FBXW8: variants seen among roughly 807,000 people sequenced by gnomAD.
The protein encoded by FBXW8 is F-box/WD repeat-containing protein 8.
A neutral mutation model predicts 65.3 loss-of-function variants in FBXW8; 57 were observed. The observed-to-expected ratio is 0.87, with a 90% CI of 0.71 to 1.09. The LOEUF is 1.09. FBXW8 is among the 50% of genes least tolerant of loss of function. FBXW8 has a pLI of 0.00. For synonymous variants in FBXW8, 308 were observed against 330.2 expected, an observed-to-expected ratio of 0.93 and a Z score of 0.73; for missense variants, 777 against 814.8, an observed-to-expected ratio of 0.95 and a Z score of 0.57.
chr12:116,964,778 G>T lies in FBXW8; in HGVS notation c.759G>T (p.Glu253Asp). ...CCTTCCTGGAATCAGAGGACGAGGA[G>T]GATGAGCCTGGAATGCAGCCAAATG... ...VAPFLESEDEEDEPGMQPNVS... is the reference protein window; with the variant it reads ...VAPFLESEDEDDEPGMQPNVS... Residue 253 changes from glutamate to aspartate, a missense_variant, in exon 5 of 11, where the codon GAG (glutamate) becomes GAT (aspartate). Glu to Asp is a conservative substitution (Grantham distance 45, BLOSUM62 2). Transcript: ENST00000652555. 6.2e-7 allele frequency: 1 copy of T among 1,613,450 alleles called. No individual in the cohort carries two copies. The highest frequency in any genetic ancestry group is 8.5e-7 in the Non-Finnish European group (1 of 1,180,020).
At chr12:116,940,427 A>G (rs1224387269) in intron 2 of FBXW8, among the ~76,000 whole-genome samples, 2 of 151,224 alleles carry the variant, frequency 1.3e-5, no homozygotes, top group East Asian at 1.9e-4. Flanking sequence ...GGGGATTAAA[A>G]TCGATCAAAA....
intron 9 of FBXW8, among the ~76,000 whole-genome samples, chr12:117,026,526 C>A (rs925477224): frequency 2.0e-5 from 3 of 152,122 alleles, no homozygotes; most frequent in African/African-American, 7.2e-5. Context: ...GCTTCCCTCA[C>A]TTCCAAGAAT....
intron 10 of FBXW8, among the ~76,000 whole-genome samples, chr12:117,027,780 C>T (rs1274170833): frequency 6.6e-6 from 1 of 152,238 alleles, no homozygotes; most frequent in African/African-American, 2.4e-5. Context: ...AGAATCCTGT[C>T]AGGGGCAAGG....
intron 7 of FBXW8, among the ~76,000 whole-genome samples, chr12:116,994,034 C>T (rs756723454): frequency 5.3e-5 from 8 of 152,102 alleles, no homozygotes; most frequent in Non-Finnish European, 8.8e-5. Context: ...TAATATGGAA[C>T]CAAAAAGAGC....
chr12:117,001,731 A>G (rs1401644736), intron 7 of FBXW8, among the ~76,000 whole-genome samples: 5 of 152,160 alleles, frequency 3.3e-5, no homozygotes, highest in Non-Finnish European at 7.4e-5. Context: ...GGAGGGTGTA[A>G]GGATTTTCAG....
At chr12:117,014,879 C>T (rs34748278) in intron 8 of FBXW8, among the ~76,000 whole-genome samples, 1 of 152,104 alleles carries the variant, frequency 6.6e-6, no homozygotes, top group East Asian at 1.9e-4. Context: ...TGAGATTCCT[C>T]CTCTCTCAAT....
At chr12:117,004,709 G>A (rs1592948936) in intron 7 of FBXW8, among the ~76,000 whole-genome samples, 1 of 152,172 alleles carries the variant, frequency 6.6e-6, no homozygotes, top group East Asian at 1.9e-4. Context: ...TTTACTGAAT[G>A]TATGTAGCCC....
rs563534244 is a variant in FBXW8, at chr12:116,988,549, C to G, written c.1033-114C>G. On this transcript the variant is annotated intron_variant, in intron 6 of 10. Transcript: ENST00000652555. ...TCATTTCCTGTGAGTGTTTCATTTG[C>G]CCATCTTTTTCTGTTGGGTTGCTGG... 1.0e-5 allele frequency: 9 copies of G among 863,164 alleles called. No individual in the cohort carries two copies. The African/African-American group carries it at 1.5e-4, about 14-fold the overall frequency. The allele number at this position is 863,164 out of a possible 1,614,324, so 53.5% of individuals were successfully genotyped here.
chr12:116,998,638 C>T (rs1953437988), intron 7 of FBXW8, among the ~76,000 whole-genome samples: 1 of 152,170 alleles, frequency 6.6e-6, no homozygotes, highest in African/African-American at 2.4e-5. Context: ...AAACACTGCC[C>T]AGGCATTGTT....
chr12:116,935,249 T>C (rs559583881), intron 2 of FBXW8, among the ~76,000 whole-genome samples: 26 of 152,324 alleles, frequency 1.7e-4, no homozygotes, highest in South Asian at 8.3e-4. Flanking sequence ...TAAGTAATTC[T>C]AGAACCAAAG....
intron 7 of FBXW8, among the ~76,000 whole-genome samples, chr12:116,998,686 GCTAAGGGAGCC>G (rs1953439156): frequency 6.7e-6 from 1 of 149,648 alleles, no homozygotes; most frequent in Non-Finnish European, 1.5e-5. Context: ...TTCATGGGGA[GCTAAGGGAGCC>G]CTATTAGAAA....
Position 117,001,781 on chromosome 12 carries a change from C to T in FBXW8, c.1240-8542C>T, listed in dbSNP as rs551753820. ...TACATTTGCACGATGGTTATCATCTCTTCGCTGGACTCACTGCTCTGACAT... is the reference window on the plus strand; with the variant it reads ...TACATTTGCACGATGGTTATCATCTTTTCGCTGGACTCACTGCTCTGACAT... On this transcript the variant is annotated intron_variant, in intron 7 of 10. Coordinates refer to ENST00000652555, the MANE Select transcript of FBXW8 (RefSeq NM_153348.3). Among the ~76,000 whole-genome samples, 13 of 152,298 alleles carry T rather than the reference C, an allele frequency of 8.5e-5. No individual in the cohort carries two copies. The East Asian group carries it at 2.5e-3, about 29-fold the overall frequency.
intron 6 of FBXW8, among the ~76,000 whole-genome samples, chr12:116,987,536 C>T (rs1885801206): frequency 6.6e-6 from 1 of 152,218 alleles, no homozygotes; most frequent in Admixed American, 6.5e-5. Context: ...GTAGAGCCTT[C>T]CTTACCCTCT....
rs554943468 is a variant in FBXW8, at chr12:117,027,508, A to G, written c.1652+4A>G. The G allele has an allele frequency of 1.2e-6, 2 of 1,612,218 alleles. No individual in the cohort carries two copies. Among genetic ancestry groups the G allele is most frequent in the East Asian group, 2.2e-5 (1 of 44,876 alleles). ...ACAGCTTCACTACTCACAGGAGGTT[A>G]GTGGTGGGGCCGGGCGAGTAAGAGA... On this transcript the variant is annotated splice_donor_region_variant and intron_variant, in intron 10 of 10. Coordinates refer to ENST00000652555, the MANE Select transcript of FBXW8 (RefSeq NM_153348.3).
At chr12:116,989,904 AATGAAAAGCC>A (rs1953192836) in intron 7 of FBXW8, among the ~76,000 whole-genome samples, 1 of 152,228 alleles carries the variant, frequency 6.6e-6, no homozygotes, top group Non-Finnish European at 1.5e-5. Context: ...TGTAGGATTA[AATGAAAAGCC>A]ATATGTAAAG....
intron 7 of FBXW8, among the ~76,000 whole-genome samples, chr12:117,007,613 G>T (rs537180746): frequency 6.6e-6 from 1 of 152,144 alleles, no homozygotes; most frequent in African/African-American, 2.4e-5. Flanking sequence ...TTTGTGCTGG[G>T]GTAGGTTTTT....
intron 6 of FBXW8, among the ~76,000 whole-genome samples, chr12:116,988,421 A>C (rs914842548): frequency 3.7e-4 from 56 of 152,220 alleles, no homozygotes; most frequent in African/African-American, 1.2e-3. Context: ...AAGGTGAAGC[A>C]TCATATTTCA....
chr12:116,979,018 G>A (rs1343629128), intron 5 of FBXW8: 3 of 152,150 alleles, frequency 2.0e-5, no homozygotes, highest in East Asian at 3.9e-4. Flanking sequence ...AATTGTTTAG[G>A]CAAATAGCAG....
chr12:117,002,872 CTG>C (rs1347833614), intron 7 of FBXW8: 1 of 152,226 alleles, frequency 6.6e-6, no homozygotes, highest in Non-Finnish European at 1.5e-5. Flanking sequence ...TTTATAGAGA[CTG>C]TTCACCTAGC....
Sources: gnomAD v4.1 joint callset for allele counts (sites outside exome capture counted in the v4.1 genomes callset) on GRCh38, gnomAD v4.1.1 for gene constraint, MANE v1.5 for transcripts, NCBI Gene and HGNC (gene_info 2026-07-23, HGNC 2026-07-21) for gene names.